Variants in EML4 observed in about 807,000 individuals in gnomAD.
EML4 encodes the protein EMAP like 4.
EML4 carries 72 observed loss-of-function variants against 129.0 expected under a neutral mutation model. That is an observed-to-expected ratio of 0.56 (90% confidence interval 0.46 to 0.68). The LOEUF is 0.68. Among genes scored for constraint, EML4 ranks in the 30% least tolerant of loss-of-function variants. The pLI is 0.00. For missense variants in EML4, 1,363 were observed against 1,190.6 expected (o/e 1.14, Z -2.13); for synonymous variants, 532 against 405.0 (o/e 1.31, Z -3.77).
At chr2:42,226,930 A>T (rs1674002134) in intron 1 of EML4, among the ~76,000 whole-genome samples, 1 of 152,176 alleles carries the variant, frequency 6.6e-6, no homozygotes. Flanking sequence ...GCTTACTTCT[A>T]GAAATATATA....
intron 1 of EML4, among the ~76,000 whole-genome samples, chr2:42,194,189 T>A (rs529645468): frequency 6.6e-6 from 1 of 151,270 alleles, no homozygotes. Context: ...AAATGGGATA[T>A]CCTGTGGTGT....
At position 42,169,512 on chromosome 2, in the gene EML4, T is replaced by C; in HGVS notation, c.-100T>C. ...GAGCCGGTAGCCGAGCCGGGCGACC[T>C]AGAGAACGAGCGGGTCAGGCTCAGC... is the stretch of plus-strand genomic sequence containing the variant. On this transcript the variant is annotated 5_prime_UTR_variant, in exon 1 of 23. Transcript: ENST00000318522. The C allele has an allele frequency of 7.1e-7, 1 of 1,403,342 alleles. No homozygotes were observed. The highest frequency in any genetic ancestry group is 9.5e-7 in the Non-Finnish European group (1 of 1,049,112). The allele number at this position is 1,403,342 out of a possible 1,614,324, so 86.9% of individuals were successfully genotyped here.
At chr2:42,273,654 TAAAGTAGCATTTTGTA>T (rs1666495452) in intron 6 of EML4, among the ~76,000 whole-genome samples, 1 of 150,948 alleles carries the variant, frequency 6.6e-6, no homozygotes, top group African/African-American at 2.4e-5. Context: ...AGAAAAAAAT[TAAAGTAGCATTTTGTA>T]CTTAGTCAGA....
At chr2:42,230,321 TAATTAAC>T (rs1489016241) in intron 1 of EML4, among the ~76,000 whole-genome samples, 3 of 152,228 alleles carry the variant, frequency 2.0e-5, no homozygotes, top group Non-Finnish European at 2.9e-5. Flanking sequence ...TATTAAAAGA[TAATTAAC>T]AATATCCTAC....
At chr2:42,326,118 G>A in intron 20 of EML4, 36 bp from the exon 21 acceptor site, 1 of 1,608,998 alleles carries the variant, frequency 6.2e-7, no homozygotes, top group Non-Finnish European at 8.5e-7. Context: ...TTGTACACAA[G>A]CACTATGATT....
chr2:42,244,124 G>A (rs1489699835), intron 1 of EML4, among the ~76,000 whole-genome samples: 1 of 136,204 alleles, frequency 7.3e-6, no homozygotes, highest in African/African-American at 2.9e-5. Flanking sequence ...TTTTGAGACG[G>A]GGTCTTGCTC....
Position 42,231,403 on chromosome 2 carries a change from T to C in EML4, c.26-14102T>C, listed in dbSNP as rs191253578. Among the ~76,000 whole-genome samples, 19 of 152,332 alleles carry C rather than the reference T, an allele frequency of 1.2e-4. No individual in the cohort carries two copies. The East Asian group carries it at 3.7e-3, about 29-fold the overall frequency. On this transcript the variant is annotated intron_variant, in intron 1 of 22. Transcript: ENST00000318522. ...CGAAGTGTAATCTCTAATTCAGGCC[T>C]CTATCTTAAGCCCAAGACCTAGTTA...
chr2:42,273,929 T>G (rs548311237), intron 6 of EML4, among the ~76,000 whole-genome samples: 1 of 152,306 alleles, frequency 6.6e-6, no homozygotes, highest in South Asian at 2.1e-4. Context: ...TACTGAATTA[T>G]AACCAGAAAA....
chr2:42,296,843 T>A (rs985700902), intron 13 of EML4, among the ~76,000 whole-genome samples: 1 of 152,234 alleles, frequency 6.6e-6, no homozygotes, highest in Non-Finnish European at 1.5e-5. Context: ...GATATTCAGA[T>A]GCTCCTTGAC....
Position 42,325,538 on chromosome 2 carries a change from C to T in EML4, c.2226C>T (p.Asp742=). 6 of 1,486,252 alleles carry T rather than the reference C, an allele frequency of 4.0e-6. No homozygotes were observed. The highest frequency in any genetic ancestry group is 5.5e-6 in the Non-Finnish European group (6 of 1,083,942). 92.1% of individuals were successfully genotyped at this position (1,486,252 alleles called of 1,614,324 possible). A position where few individuals can be genotyped will look rare whatever the true frequency, so the allele number is the denominator to read the frequency against. Residue 742 remains aspartate (D), a synonymous_variant, in exon 20 of 23, where the codon GAC becomes GAT. Transcript: ENST00000318522. Reference sequence around the variant, plus strand: ...AGTATATAATGTCTAACTCGGGAGACTATGAAATATTGTACTGTAAGTATG... The same window carrying T: ...AGTATATAATGTCTAACTCGGGAGATTATGAAATATTGTACTGTAAGTATG... ...DNKYIMSNSG[D]YEILYWDIPN...
intron 1 of EML4, among the ~76,000 whole-genome samples, chr2:42,187,169 A>G (rs1237027830): frequency 6.6e-6 from 1 of 151,610 alleles, no homozygotes; most frequent in Non-Finnish European, 1.5e-5. Flanking sequence ...TCAGCCTCCC[A>G]AGTAGCTGGG....
intron 6 of EML4, among the ~76,000 whole-genome samples, chr2:42,272,748 T>TA (rs1666445729): frequency 6.6e-6 from 1 of 152,152 alleles, no homozygotes; most frequent in African/African-American, 2.4e-5. Flanking sequence ...TTAACCACAA[T>TA]AAATACGTAT....
chr2:42,251,119 G>T (rs976913362), intron 2 of EML4, among the ~76,000 whole-genome samples: 4 of 152,202 alleles, frequency 2.6e-5, no homozygotes, highest in African/African-American at 9.7e-5. Flanking sequence ...ACCTCCTGCT[G>T]TCTGGCCTGG....
intron 13 of EML4, 131 bp downstream of exon 13, chr2:42,295,647 T>C (rs1442201589): frequency 1.5e-6 from 1 of 655,700 alleles, no homozygotes. Flanking sequence ...ACCTTTTGTT[T>C]TCAGCATTCT....
At chr2:42,259,022 G>C (rs1365834865) in intron 3 of EML4, among the ~76,000 whole-genome samples, 1 of 152,172 alleles carries the variant, frequency 6.6e-6, no homozygotes, top group Non-Finnish European at 1.5e-5. Context: ...TGAGGCAGGC[G>C]AATCAGCTGA....
intron 1 of EML4, among the ~76,000 whole-genome samples, chr2:42,204,218 C>G (rs970073100): frequency 2.6e-4 from 40 of 152,226 alleles, no homozygotes; most frequent in African/African-American, 6.5e-4. Context: ...CCATACCTGG[C>G]CTATCTTTCT....
rs1365906133 is a variant in EML4 at position 42,329,911 on chromosome 2, G to A, written c.2650G>A (p.Ala884Thr). 6.2e-7 allele frequency: 1 copy of A among 1,613,884 alleles called. No homozygotes were observed. Among genetic ancestry groups the A allele is most frequent in the East Asian group, 2.2e-5 (1 of 44,886 alleles). The change falls in exon 23 of 23, where the codon GCC becomes ACC. Residue 884 changes from alanine to threonine, a missense_variant. By Grantham distance (58) the Ala-to-Thr change is moderately conservative (BLOSUM62 0). Transcript: ENST00000318522. The stretch of plus-strand genomic sequence containing the variant: ...TGTAGCGGATACTACTCTAACCAAA[G>A]CCCCCGTCTCTTCCACTGAAAGTGT... ...ETVADTTLTK[A>T]PVSSTESVIQ... is the part of the protein sequence containing the mutation.
intron 6 of EML4, among the ~76,000 whole-genome samples, chr2:42,273,773 AAGTT>A (rs1237381175): frequency 2.6e-5 from 4 of 152,166 alleles, no homozygotes; most frequent in Admixed American, 1.3e-4. Context: ...TGAAATAAGA[AAGTT>A]AGATTATACC....
rs777875015 is a variant in EML4 at position 42,263,353 on chromosome 2, T to C, written c.641+47T>C. 3 of 1,539,052 alleles carry C rather than the reference T, an allele frequency of 1.9e-6. 1 individual carries two copies. The Admixed American group carries it at 5.8e-5, about 30-fold the overall frequency. ...TTATATCTGAAAAGTAATAATTATT[T>C]GGCTATTATGTTTGCATGTACAGTT... On this transcript the variant is annotated intron_variant, in intron 5 of 22. Coordinates refer to ENST00000318522, the MANE Select transcript of EML4 (RefSeq NM_019063.5).
Sources: allele counts gnomAD v4.1 joint callset (sites outside exome capture counted in the v4.1 genomes callset), GRCh38; gene constraint gnomAD v4.1.1; transcripts MANE v1.5; gene names NCBI Gene and HGNC (gene_info 2026-07-23, HGNC 2026-07-21).